The following GRIA3 variants were observed in gnomAD, a reference collection of about 807,000 sequenced individuals.
The protein encoded by GRIA3 is glutamate receptor 3.
A neutral mutation model predicts 63.0 loss-of-function variants in GRIA3; 3 were observed. The ratio of observed to expected loss-of-function variants is 0.05; its 90% CI spans 0.02 to 0.12. The LOEUF (loss-of-function observed/expected upper bound fraction) is 0.12, where lower values mean the gene tolerates loss of function less well. Ranked by LOEUF, GRIA3 falls within the 10% of genes least tolerant of loss-of-function variation. The pLI, the probability that GRIA3 is intolerant of heterozygous loss-of-function variation, is 1.00. For synonymous variants in GRIA3, 274 were observed against 257.9 expected (o/e 1.06, Z -0.60); for missense variants, 347 against 700.9 (o/e 0.50, Z 5.70).
chrX:123,371,648 C>T (rs766635677), intron 5 of GRIA3, among the ~76,000 whole-genome samples: 18 of 111,389 alleles, frequency 1.6e-4, no homozygotes. Context: ...ATGTTGATCA[C>T]CTTTTCATAT....
At position 123,427,106 on chromosome X, in the gene GRIA3, T is replaced by C. The variant is rs983453254; in HGVS notation, c.1878-835T>C. ...CTATTTATATGAAGATGATGAGAAA[T>C]ATTATCATCTAGCTCCTTGCCTTAT... On this transcript the variant is annotated intron_variant, in intron 11 of 15. Coordinates refer to ENST00000620443, the MANE Select transcript of GRIA3 (RefSeq NM_007325.5). Among the ~76,000 whole-genome samples, 19 of 111,781 alleles carry C rather than the reference T, an allele frequency of 1.7e-4. 1 individual carries two copies. The Admixed American group carries it at 1.8e-3, about 11-fold the overall frequency.
At position 123,184,302 on chromosome X, in the gene GRIA3, G is replaced by C; in HGVS notation, c.-234G>C. Reference sequence around the variant, plus strand: ...CAAGAAAGGAAGAGAGAGCGAGCGAGAGAGAGCGAGCGAATAAGAGAGAGA... The same window carrying C: ...CAAGAAAGGAAGAGAGAGCGAGCGACAGAGAGCGAGCGAATAAGAGAGAGA... On this transcript the variant is annotated 5_prime_UTR_variant, in exon 1 of 16. Transcript: ENST00000620443. 2.4e-6 allele frequency: 1 copy of C among 415,162 alleles called. No individual in the cohort carries two copies. Among genetic ancestry groups the C allele is most frequent in the Non-Finnish European group, 4.2e-6 (1 of 236,888 alleles). The allele number at this position is 415,162 out of a possible 1,213,427, so 34.2% of individuals were successfully genotyped here.
At chrX:123,322,143 C>G (rs1407302545) in intron 3 of GRIA3, among the ~76,000 whole-genome samples, 1 of 111,546 alleles carries the variant, frequency 9.0e-6, no homozygotes, top group Admixed American at 9.5e-5. Flanking sequence ...ACCTTATTTG[C>G]CAAGAGTAGC....
At chrX:123,310,966 G>A (rs927927360) in intron 3 of GRIA3, among the ~76,000 whole-genome samples, 1 of 103,992 alleles carries the variant, frequency 9.6e-6, no homozygotes, top group Non-Finnish European at 1.9e-5. Flanking sequence ...TCATGCCACT[G>A]CACTCTATCC....
At chrX:123,274,341 T>C (rs1045156734) in intron 3 of GRIA3, among the ~76,000 whole-genome samples, 13 of 112,042 alleles carry the variant, frequency 1.2e-4, no homozygotes, top group African/African-American at 4.2e-4. Flanking sequence ...TGCTTCCTCA[T>C]GACACTTGCT....
chrX:123,326,359 A>T, intron 4 of GRIA3, 146 bp downstream of exon 4: 2 of 315,516 alleles, frequency 6.3e-6, no homozygotes, highest in Non-Finnish European at 1.1e-5. Context: ...TTTCCTCCCC[A>T]GTGGCTGCAG....
At chrX:123,309,221 C>T (rs1314293096) in intron 3 of GRIA3, among the ~76,000 whole-genome samples, 1 of 109,812 alleles carries the variant, frequency 9.1e-6, no homozygotes, top group Non-Finnish European at 1.9e-5. Context: ...CCTGTCTCTA[C>T]TAAAAATACA....
At chrX:123,461,214 G>C (rs61104356) in intron 12 of GRIA3, among the ~76,000 whole-genome samples, 2 of 111,947 alleles carry the variant, frequency 1.8e-5, no homozygotes, top group Admixed American at 1.9e-4. Flanking sequence ...GTCATGTATA[G>C]AGTAATTTGC....
At chrX:123,312,259 C>T (rs754783385) in intron 3 of GRIA3, among the ~76,000 whole-genome samples, 1 of 111,963 alleles carries the variant, frequency 8.9e-6, no homozygotes, top group Admixed American at 9.5e-5. Context: ...AGCTATAATC[C>T]CTCAGAGATG....
chrX:123,472,354 C>G (rs2045868310), intron 13 of GRIA3, among the ~76,000 whole-genome samples: 1 of 109,648 alleles, frequency 9.1e-6, no homozygotes, highest in Non-Finnish European at 1.9e-5. Flanking sequence ...ATCTGTTTCT[C>G]TCTTCTCATT....
intron 5 of GRIA3, among the ~76,000 whole-genome samples, chrX:123,355,444 C>T (rs1397804801): frequency 8.9e-6 from 1 of 112,208 alleles, no homozygotes; most frequent in African/African-American, 3.2e-5. Flanking sequence ...CACCTTTCTA[C>T]TTACATAAAA....
At chrX:123,366,367 T>G (rs2045210365) in intron 5 of GRIA3, among the ~76,000 whole-genome samples, 1 of 111,317 alleles carries the variant, frequency 9.0e-6, no homozygotes, top group African/African-American at 3.3e-5. Context: ...CGTAGAAGGA[T>G]GAAGATTCAT....
At chrX:123,186,720 C>T (rs1927287566) in intron 2 of GRIA3, among the ~76,000 whole-genome samples, 1 of 111,269 alleles carries the variant, frequency 9.0e-6, no homozygotes, top group South Asian at 3.9e-4. Flanking sequence ...TAGTGTTGTT[C>T]ACCCCCATGA....
At chrX:123,306,991 T>C (rs1299976470) in intron 3 of GRIA3, among the ~76,000 whole-genome samples, 2 of 111,952 alleles carry the variant, frequency 1.8e-5, no homozygotes, top group African/African-American at 3.2e-5. Flanking sequence ...TTTGTCCAAA[T>C]GTCTGACCTA....
At chrX:123,456,842 C>T (rs1196785712) in intron 12 of GRIA3, among the ~76,000 whole-genome samples, 2 of 111,805 alleles carry the variant, frequency 1.8e-5, no homozygotes, top group Admixed American at 9.5e-5. Flanking sequence ...ACAAGGCACA[C>T]AGGGGTCCTG....
At chrX:123,260,434 AAG>A (rs1369254188) in intron 3 of GRIA3, among the ~76,000 whole-genome samples, 1 of 14,957 alleles carries the variant, frequency 6.7e-5, no homozygotes, top group Non-Finnish European at 1.6e-4. Context: ...GACAGAAAGA[AAG>A]AAAGAAAGAA....
At chrX:123,456,428 C>T (rs2045761710) in intron 12 of GRIA3, among the ~76,000 whole-genome samples, 1 of 111,608 alleles carries the variant, frequency 9.0e-6, no homozygotes, top group South Asian at 3.8e-4. Flanking sequence ...AGGTAATTCT[C>T]ACCACAAAAA....
chrX:123,436,720 C>T (rs946147360), intron 12 of GRIA3, among the ~76,000 whole-genome samples: 4 of 111,899 alleles, frequency 3.6e-5, no homozygotes, highest in African/African-American at 6.5e-5. Context: ...CAGACAGCAT[C>T]AGGGTAATTA....
chrX:123,253,168 T>C, intron 2 of GRIA3, 135 bp from the exon 3 acceptor site: 1 of 647,957 alleles, frequency 1.5e-6, no homozygotes. Flanking sequence ...TCCTGTTGGG[T>C]AACTGGGTTT....
Sources: gnomAD v4.1 joint callset for allele counts (sites outside exome capture counted in the v4.1 genomes callset) on GRCh38, gnomAD v4.1.1 for gene constraint, MANE v1.5 for transcripts, NCBI Gene and HGNC (gene_info 2026-07-23, HGNC 2026-07-21) for gene names.